The following ARHGAP22 variants were observed in gnomAD, a reference collection of about 807,000 sequenced individuals.
The protein encoded by ARHGAP22 is Rho GTPase activating protein 22, also known as rho GTPase-activating protein 22.
Under a neutral mutation model 59.1 loss-of-function variants are expected in ARHGAP22, and 48 were observed. The ratio of observed to expected loss-of-function variants is 0.81; its 90% CI spans 0.64 to 1.03. The LOEUF (loss-of-function observed/expected upper bound fraction) is 1.03. Ranked by LOEUF, ARHGAP22 falls within the 50% of genes least tolerant of loss-of-function variation. The pLI, the probability that ARHGAP22 is intolerant of heterozygous loss-of-function variation, is 0.00. For missense variants in ARHGAP22, 1,015 were observed against 958.7 expected (o/e 1.06, Z -0.78); for synonymous variants, 445 against 416.4 (o/e 1.07, Z -0.84).
intron 3 of ARHGAP22, among the ~76,000 whole-genome samples, chr10:48,485,785 A>T (rs181822159): frequency 3.9e-5 from 6 of 152,288 alleles, no homozygotes; most frequent in Non-Finnish European, 8.8e-5. Flanking sequence ...CTCTGGTCTG[A>T]AATCCTTGAT....
chr10:48,543,536 T>C (rs575456851), intron 3 of ARHGAP22, among the ~76,000 whole-genome samples: 6 of 152,148 alleles, frequency 3.9e-5, no homozygotes, highest in Non-Finnish European at 8.8e-5. Flanking sequence ...AAGTATAAAG[T>C]TTTTTTTCTT....
rs574188013 is a variant in ARHGAP22 at position 48,598,566 on chromosome 10, C to T, written c.34+6197G>A. Among the ~76,000 whole-genome samples the T allele has an allele frequency of 3.9e-5, 6 of 152,298 alleles. No individual in the cohort carries two copies. The South Asian group carries it at 8.3e-4, about 21-fold the overall frequency. ...CCTCTCCTTCTCTGCAGGTGGCAGA[C>T]GGGAAACACCATTGCTCCCACTAGC... is the stretch of plus-strand genomic sequence containing the variant. On this transcript the variant is annotated intron_variant, in intron 1 of 9. Coordinates refer to ENST00000249601, the MANE Select transcript of ARHGAP22 (RefSeq NM_021226.4).
chr10:48,607,476 A>C (rs2060720137), upstream of ARHGAP22, among the ~76,000 whole-genome samples: 1 of 152,120 alleles, frequency 6.6e-6, no homozygotes, highest in Non-Finnish European at 1.5e-5. Flanking sequence ...CAGAGGCAGG[A>C]ATTGGAGCCC....
chr10:48,538,012 A>G (rs1023236996), intron 3 of ARHGAP22, among the ~76,000 whole-genome samples: 3 of 152,182 alleles, frequency 2.0e-5, no homozygotes, highest in African/African-American at 7.2e-5. Context: ...CCACAATGGT[A>G]TGAGTTTTCC....
intron 1 of ARHGAP22, among the ~76,000 whole-genome samples, chr10:48,629,502 C>G (rs1451196191): frequency 6.6e-6 from 1 of 152,196 alleles, no homozygotes; most frequent in African/African-American, 2.4e-5. Context: ...TACCTTGGCT[C>G]TCATCAAAGG....
rs1224118741 is a variant in ARHGAP22, at chr10:48,604,869, G to T, written c.-73C>A. 5 of 1,610,732 alleles carry T rather than the reference G, an allele frequency of 3.1e-6. No individual in the cohort carries two copies. Among genetic ancestry groups the T allele is most frequent in the Non-Finnish European group, 4.2e-6 (5 of 1,179,502 alleles). On this transcript the variant is annotated 5_prime_UTR_variant, in exon 1 of 10. Coordinates refer to ENST00000249601, the MANE Select transcript of ARHGAP22 (RefSeq NM_021226.4). ...TCCACTTGCTTTTGCTCGTCCTCGCGCCTAGTCGCCCCTCATGTCCTGCTC... is the reference window on the plus strand; with the variant it reads ...TCCACTTGCTTTTGCTCGTCCTCGCTCCTAGTCGCCCCTCATGTCCTGCTC...
At chr10:48,527,080 G>A (rs1304768737) in intron 3 of ARHGAP22, among the ~76,000 whole-genome samples, 1 of 152,238 alleles carries the variant, frequency 6.6e-6, no homozygotes, top group Non-Finnish European at 1.5e-5. Context: ...CAGATGCCAT[G>A]AGATTCAATT....
chr10:48,612,377 G>A (rs373742746), intron 1 of ARHGAP22, among the ~76,000 whole-genome samples: 2 of 152,222 alleles, frequency 1.3e-5, no homozygotes, highest in African/African-American at 4.8e-5. Context: ...ATATCTGGCA[G>A]GCAGTTGGAT....
At chr10:48,494,369 C>T (rs942572851) in intron 3 of ARHGAP22, among the ~76,000 whole-genome samples, 8 of 152,180 alleles carry the variant, frequency 5.3e-5, no homozygotes, top group Non-Finnish European at 1.0e-4. Context: ...GGTCTCCTCT[C>T]CTCCAGCAGC....
the ARHGAP22 span, chr10:48,438,167 A>T: frequency 6.6e-6 from 1 of 152,230 alleles, no homozygotes; most frequent in Admixed American, 6.5e-5. Context: ...TATAGAGTGG[A>T]TGCATGAAGC....
intron 4 of ARHGAP22, 130 bp from the exon 5 acceptor site, chr10:48,460,021 G>A (rs989717998): frequency 1.2e-5 from 11 of 910,930 alleles, no homozygotes; most frequent in Middle Eastern, 6.9e-4. Flanking sequence ...TACACACTGG[G>A]AGGATGCATA....
At position 48,641,065 on chromosome 10, in the gene ARHGAP22, T is replaced by C. The variant is rs574921881; in HGVS notation, c.52+11169A>G. ...GAAGTAGATTAAGGTAAAATGCATATTGTAATCTCTAGAGCAAACACTAAG... is the reference window on the plus strand; with the variant it reads ...GAAGTAGATTAAGGTAAAATGCATACTGTAATCTCTAGAGCAAACACTAAG... On this transcript the variant is annotated intron_variant, in intron 1 of 9. Transcript: ENST00000435790. Among the ~76,000 whole-genome samples the C allele has an allele frequency of 1.5e-4, 23 of 152,242 alleles. No homozygotes were observed. The South Asian group carries it at 4.6e-3, about 30-fold the overall frequency.
Position 48,644,928 on chromosome 10 carries a change from T to TA in ARHGAP22, c.52+7305dup, listed in dbSNP as rs559063899. ...AATAAAGAGAAATAAAATAAAGAAA[T>TA]AAAAAAATCAATGAACTAGAAAACA... On this transcript the variant is annotated intron_variant, in intron 1 of 9. Coordinates refer to the ARHGAP22 transcript ENST00000435790. Among the ~76,000 whole-genome samples the TA allele has an allele frequency of 2.1e-4, 32 of 150,764 alleles. 1 individual carries two copies. The East Asian group carries it at 4.9e-3, about 23-fold the overall frequency.
chr10:48,498,726 T>C lies in ARHGAP22; in HGVS notation c.323-18962A>G, dbSNP rs1244042005. On this transcript the variant is annotated intron_variant, in intron 3 of 9. Transcript: ENST00000249601. ...CCAAAATGCCCAAACAAGCAGGCAA[T>C]GACAAAAGCCAATCCAATACCAGAA... 5.9e-5 allele frequency among the ~76,000 whole-genome samples: 9 copies of C among 152,106 alleles called. No homozygotes were observed. In the East Asian group the frequency reaches 1.7e-3, roughly 29 times the overall value.
At position 48,451,005 on chromosome 10, in the gene ARHGAP22, ACCT is replaced by A; in HGVS notation, c.1121_1123del (p.Glu374del). 1 of 1,556,102 alleles carries A rather than the reference ACCT, an allele frequency of 6.4e-7. No homozygotes were observed. The highest frequency in any genetic ancestry group is 8.7e-7 in the Non-Finnish European group (1 of 1,150,332). On this transcript the variant is annotated inframe_deletion, in exon 9 of 10. Coordinates refer to ENST00000249601, the MANE Select transcript of ARHGAP22 (RefSeq NM_021226.4). ...GGGCTCTCCTTGGCTGTCCCTGGTG[ACCT>A]CCTCGGAGCCCCACCCCACTGCGCA...
intron 1 of ARHGAP22, among the ~76,000 whole-genome samples, chr10:48,597,829 A>G (rs1401866052): frequency 6.6e-6 from 1 of 152,218 alleles, no homozygotes; most frequent in African/African-American, 2.4e-5. Context: ...CCTATGAGCC[A>G]TTAGCTTAGA....
chr10:48,538,437 A>C (rs1303363372), intron 3 of ARHGAP22, among the ~76,000 whole-genome samples: 1 of 152,020 alleles, frequency 6.6e-6, no homozygotes, highest in Admixed American at 6.6e-5. Flanking sequence ...GGCCTCCCAA[A>C]CTCTGTCCCC....
intron 1 of ARHGAP22, among the ~76,000 whole-genome samples, chr10:48,583,362 G>A (rs41281995): frequency 0.076 from 11,601 of 152,226 alleles, 478 homozygotes; most frequent in Middle Eastern, 0.11. Context: ...CTGGGGTAGG[G>A]GTACAGCCTG....
chr10:48,493,269 T>G (rs1818627399), intron 3 of ARHGAP22, among the ~76,000 whole-genome samples: 1 of 152,244 alleles, frequency 6.6e-6, no homozygotes, highest in African/African-American at 2.4e-5. Flanking sequence ...CCCTGCCAGA[T>G]GTACCAGGCT....
Sources: gnomAD v4.1 joint callset for allele counts (sites outside exome capture counted in the v4.1 genomes callset) on GRCh38, gnomAD v4.1.1 for gene constraint, MANE v1.5 for transcripts, NCBI Gene and HGNC (gene_info 2026-07-23, HGNC 2026-07-21) for gene names.